The following SPIDR variants were observed in gnomAD, a reference collection of about 807,000 sequenced individuals.
SPIDR encodes the protein DNA repair-scaffolding protein.
SPIDR carries 93 observed loss-of-function variants against 104.6 expected under a neutral mutation model. The ratio of observed to expected loss-of-function variants is 0.89; its 90% confidence interval spans 0.75 to 1.06. The LOEUF (loss-of-function observed/expected upper bound fraction) is 1.06, where lower values mean the gene tolerates loss of function less well. Ranked by LOEUF, SPIDR falls within the 50% of genes least tolerant of loss-of-function variation. The pLI is 0.00. For synonymous variants in SPIDR, 431 were observed against 416.9 expected (o/e 1.03, Z -0.41); for missense variants, 1,154 against 1,111.2 (o/e 1.04, Z -0.55).
intron 11 of SPIDR, among the ~76,000 whole-genome samples, chr8:47,677,364 G>T (rs1341237765): frequency 6.6e-6 from 1 of 152,194 alleles, no homozygotes; most frequent in Admixed American, 6.5e-5. Context: ...CCTGAAATAT[G>T]TTAACCTATC....
At chr8:47,716,932 A>G (rs928153473) in intron 16 of SPIDR, among the ~76,000 whole-genome samples, 19 of 152,128 alleles carry the variant, frequency 1.2e-4, no homozygotes, top group Non-Finnish European at 1.6e-4. Flanking sequence ...AGATTTTTTA[A>G]TGAAGAAATT....
intron 8 of SPIDR, among the ~76,000 whole-genome samples, chr8:47,478,155 G>GT (rs201373047): frequency 1.3e-5 from 2 of 152,212 alleles, no homozygotes; most frequent in South Asian, 4.1e-4. Context: ...TCAGGTCTGT[G>GT]TTTTAGAAAA....
At chr8:47,664,281 A>G (rs1223442340) in intron 10 of SPIDR, among the ~76,000 whole-genome samples, 1 of 152,162 alleles carries the variant, frequency 6.6e-6, no homozygotes, top group Non-Finnish European at 1.5e-5. Flanking sequence ...CATGCTAGAG[A>G]GGCAAGCCCG....
intron 5 of SPIDR, among the ~76,000 whole-genome samples, chr8:47,394,660 A>T (rs1355283864): frequency 6.6e-6 from 1 of 152,206 alleles, no homozygotes; most frequent in East Asian, 1.9e-4. Flanking sequence ...CTGTAGGACA[A>T]AGGGCAAAAT....
intron 3 of SPIDR, among the ~76,000 whole-genome samples, chr8:47,289,403 GAT>G (rs1381177680): frequency 1.3e-5 from 2 of 151,986 alleles, no homozygotes; most frequent in East Asian, 1.9e-4. Flanking sequence ...CATAGGATAA[GAT>G]ATATATGTAC....
intron 1 of SPIDR, among the ~76,000 whole-genome samples, chr8:47,272,015 C>T (rs1256214044): frequency 6.6e-6 from 1 of 152,014 alleles, no homozygotes; most frequent in Non-Finnish European, 1.5e-5. Context: ...CTCTCTGTTG[C>T]TCAGGCTGTA....
rs1342550838 is a variant in SPIDR, at chr8:47,530,446, A to C, written c.1098-65365A>C. On this transcript the variant is annotated intron_variant, in intron 8 of 19. Transcript: ENST00000297423. ...GTGACACTGCGAGACTCTGTGTCAA[A>C]TACAAAACAAAACACCTTTAGAACC... Among the ~76,000 whole-genome samples the C allele has an allele frequency of 2.0e-5, 3 of 152,306 alleles. No individual in the cohort carries two copies. The East Asian group carries it at 5.8e-4, about 29-fold the overall frequency.
At chr8:47,418,087 G>A (rs1259103822) in intron 7 of SPIDR, among the ~76,000 whole-genome samples, 1 of 152,174 alleles carries the variant, frequency 6.6e-6, no homozygotes, top group Non-Finnish European at 1.5e-5. Context: ...TTTTGGCTTA[G>A]GATTGACCTG....
At chr8:47,379,546 T>G (rs1487805146) in intron 5 of SPIDR, among the ~76,000 whole-genome samples, 1 of 152,140 alleles carries the variant, frequency 6.6e-6, no homozygotes, top group Non-Finnish European at 1.5e-5. Flanking sequence ...AAACTTCACT[T>G]GCAAGAGCTT....
chr8:47,545,884 G>A (rs2089271215), intron 8 of SPIDR, among the ~76,000 whole-genome samples: 1 of 152,058 alleles, frequency 6.6e-6, no homozygotes, highest in South Asian at 2.1e-4. Context: ...ACTGATTTAT[G>A]TGATCATATG....
intron 8 of SPIDR, among the ~76,000 whole-genome samples, chr8:47,584,400 A>G (rs972950687): frequency 4.6e-5 from 7 of 152,232 alleles, no homozygotes; most frequent in Non-Finnish European, 1.0e-4. Context: ...AACAGGTAAT[A>G]TGCTAATCAA....
At chr8:47,409,042 T>C (rs1314439320) in intron 7 of SPIDR, among the ~76,000 whole-genome samples, 1 of 151,978 alleles carries the variant, frequency 6.6e-6, no homozygotes, top group Non-Finnish European at 1.5e-5. Context: ...AAAAATTAGC[T>C]GGGCGTGGTG....
chr8:47,579,338 G>A (rs985589066), intron 8 of SPIDR, among the ~76,000 whole-genome samples: 1 of 152,138 alleles, frequency 6.6e-6, no homozygotes, highest in Non-Finnish European at 1.5e-5. Flanking sequence ...TAACTAGAAT[G>A]TGATTTATTG....
chr8:47,427,868 C>G (rs1554686204), intron 7 of SPIDR, among the ~76,000 whole-genome samples: 1 of 152,168 alleles, frequency 6.6e-6, no homozygotes, highest in East Asian at 1.9e-4. Context: ...AGGGTCACCA[C>G]TTGAGTGGCT....
intron 5 of SPIDR, among the ~76,000 whole-genome samples, chr8:47,386,898 G>T (rs1162424988): frequency 1.3e-4 from 10 of 78,504 alleles, no homozygotes; most frequent in African/African-American, 4.4e-4. Flanking sequence ...GAGAAAGAGA[G>T]AGAGAGATAT....
intron 5 of SPIDR, among the ~76,000 whole-genome samples, chr8:47,355,407 C>T (rs1297236394): frequency 6.9e-6 from 1 of 145,568 alleles, no homozygotes; most frequent in East Asian, 2.0e-4. Flanking sequence ...TTTCTAGAAT[C>T]TGATAGAATG....
chr8:47,393,723 CTTTCCTTTCCTTCCTTTCA>C (rs2060900293), intron 5 of SPIDR, among the ~76,000 whole-genome samples: 1 of 75,552 alleles, frequency 1.3e-5, no homozygotes, highest in Non-Finnish European at 3.0e-5. Context: ...CTTTCCTTTC[CTTTCCTTTCCTTCCTTTCA>C]TTCTTTCGTT....
At chr8:47,299,854 A>G (rs1159700408) in intron 5 of SPIDR, among the ~76,000 whole-genome samples, 3 of 152,122 alleles carry the variant, frequency 2.0e-5, no homozygotes, top group Admixed American at 2.0e-4. Context: ...TCGGTGTGCC[A>G]GTGTTTTATT....
At chr8:47,577,073 C>G (rs1052519118) in intron 8 of SPIDR, among the ~76,000 whole-genome samples, 8 of 152,336 alleles carry the variant, frequency 5.3e-5, no homozygotes, top group Admixed American at 2.0e-4. Flanking sequence ...GAGCCTTTGT[C>G]AAATCAGTCA....
Sources: gnomAD v4.1 joint callset for allele counts (sites outside exome capture counted in the v4.1 genomes callset) on GRCh38, gnomAD v4.1.1 for gene constraint, MANE v1.5 for transcripts, NCBI Gene and HGNC (gene_info 2026-07-23, HGNC 2026-07-21) for gene names.